GAS2L3: variants seen among roughly 807,000 people sequenced by gnomAD.
GAS2L3 encodes GAS2-like protein 3.
Under a neutral mutation model 37.0 loss-of-function variants are expected in GAS2L3, and 28 were observed. That is an observed-to-expected ratio of 0.76 (90% confidence interval 0.56 to 1.04). The LOEUF (loss-of-function observed/expected upper bound fraction) is 1.04, where lower values mean the gene tolerates loss of function less well. Among genes scored for constraint, GAS2L3 ranks in the 50% least tolerant of loss-of-function variants. GAS2L3 has a pLI of 0.00. For synonymous variants in GAS2L3, 290 were observed against 296.6 expected, an observed-to-expected ratio of 0.98 and a Z score of 0.23; for missense variants, 793 against 817.6, an observed-to-expected ratio of 0.97 and a Z score of 0.37.
At chr12:100,621,881 G>A (rs905933267) in intron 8 of GAS2L3, among the ~76,000 whole-genome samples, 1 of 128,842 alleles carries the variant, frequency 7.8e-6, no homozygotes, top group Non-Finnish European at 1.6e-5. Flanking sequence ...GGGTGGGGGG[G>A]GGAGAGAGAG....
chr12:100,612,487 T>G (rs1956138749), intron 6 of GAS2L3: 1 of 203,416 alleles, frequency 4.9e-6, no homozygotes, highest in South Asian at 9.2e-5. Context: ...ACCGGATAAT[T>G]ACGGAAATGA....
rs571976455 is a variant in GAS2L3, at chr12:100,604,447, T to C, written c.303+2694T>C. Among the ~76,000 whole-genome samples, 16 of 151,486 alleles carry C rather than the reference T, an allele frequency of 1.1e-4. No homozygotes were observed. The East Asian group carries it at 2.5e-3, about 24-fold the overall frequency. ...ATGTTGATTTTGTGTCCTGAAACTT[T>C]ACTGAATTTGTTTATCAGCTGTAGT... is the stretch of plus-strand genomic sequence containing the variant. On this transcript the variant is annotated intron_variant, in intron 5 of 9. Coordinates refer to ENST00000547754, the MANE Select transcript of GAS2L3 (RefSeq NM_174942.3).
intron 5 of GAS2L3, among the ~76,000 whole-genome samples, chr12:100,608,187 T>C (rs978824713): frequency 1.3e-5 from 2 of 152,154 alleles, no homozygotes; most frequent in African/African-American, 2.4e-5. Flanking sequence ...AGGTAGAGAT[T>C]CTTGTGTGTG....
rs1358885294 is a variant in GAS2L3 at position 100,622,292 on chromosome 12, G to A, written c.666G>A (p.Glu222=). 1.3e-6 allele frequency: 2 copies of A among 1,592,212 alleles called. No individual in the cohort carries two copies. The highest frequency in any genetic ancestry group is 4.5e-5 in the East Asian group (2 of 44,556). ...CATCTTAGGTTAAACATATTGCTGA[G>A]GACCCTCCTTGTAGTTGTTCTCATC... The part of the protein sequence containing the change: ...ELHEAVKHIA[E]DPPCSCSHRF... The change falls in exon 9 of 10, where the codon GAG becomes GAA. Residue 222 remains glutamate, a synonymous_variant. Coordinates refer to ENST00000547754, the MANE Select transcript of GAS2L3 (RefSeq NM_174942.3).
At position 100,592,018 on chromosome 12, in the gene GAS2L3, A is replaced by G. The variant is rs766391452; in HGVS notation, c.-31+162A>G. On this transcript the variant is annotated intron_variant, in intron 2 of 9. Transcript: ENST00000547754. ...ATCAGAAAGGATGTTTTCTTCAACTATTTTTCTAAATGAAGCATTAAAAAA... is the reference window on the plus strand; with the variant it reads ...ATCAGAAAGGATGTTTTCTTCAACTGTTTTTCTAAATGAAGCATTAAAAAA... 3.9e-5 allele frequency among the ~76,000 whole-genome samples: 6 copies of G among 152,266 alleles called. No individual in the cohort carries two copies. The East Asian group carries it at 9.6e-4, about 24-fold the overall frequency.
intron 6 of GAS2L3, among the ~76,000 whole-genome samples, chr12:100,614,300 C>T (rs1258471245): frequency 6.6e-6 from 1 of 151,562 alleles, no homozygotes; most frequent in Non-Finnish European, 1.5e-5. Context: ...CCCGTCTCTA[C>T]AAAAATACAA....
chr12:100,576,480 C>T (rs1955638442), intron 1 of GAS2L3, among the ~76,000 whole-genome samples: 1 of 152,080 alleles, frequency 6.6e-6, no homozygotes, highest in Non-Finnish European at 1.5e-5. Flanking sequence ...ATGAGTCATG[C>T]AATGGACATA....
intron 3 of GAS2L3, among the ~76,000 whole-genome samples, chr12:100,596,010 A>G (rs1167226439): frequency 1.3e-5 from 2 of 151,794 alleles, no homozygotes; most frequent in Non-Finnish European, 2.9e-5. Context: ...TAGAGAAGAG[A>G]ATTTATCAAA....
At chr12:100,600,037 C>T (rs1396783267) in intron 3 of GAS2L3, among the ~76,000 whole-genome samples, 1 of 152,114 alleles carries the variant, frequency 6.6e-6, no homozygotes, top group African/African-American at 2.4e-5. Flanking sequence ...GCCTGGGCAA[C>T]ATAGGGTGAC....
chr12:100,617,579 A>C (rs1956202975), intron 6 of GAS2L3, among the ~76,000 whole-genome samples, 165 bp from the exon 7 acceptor site: 1 of 152,122 alleles, frequency 6.6e-6, no homozygotes, highest in South Asian at 2.1e-4. Context: ...TAATTTGTTG[A>C]AGATAATAAG....
At position 100,624,783 on chromosome 12, in the gene GAS2L3, T is replaced by A; in HGVS notation, c.1978T>A (p.Ser660Thr). The A allele has an allele frequency of 1.2e-6, 2 of 1,613,798 alleles. No individual in the cohort carries two copies. The highest frequency in any genetic ancestry group is 1.7e-6 in the Non-Finnish European group (2 of 1,179,960). Residue 660 changes from serine (S) to threonine (T), a missense_variant, in exon 10 of 10, where the codon TCA becomes ACA. Physicochemically the swap from Ser to Thr is moderately conservative, Grantham distance 58. Coordinates refer to ENST00000547754, the MANE Select transcript of GAS2L3 (RefSeq NM_174942.3). ...CCCAGCTTCAATCAGGAAACCACCC[T>A]CATCTGTTAAGGATGCAGATAGTGG... ...KTPASIRKPP[S>T]SVKDADSGDK...
Position 100,624,890 on chromosome 12 carries a change from A to C in GAS2L3, c.2085A>C (p.Ter695TyrextTer13), listed in dbSNP as rs746814980. 1.7e-5 allele frequency: 27 copies of C among 1,552,728 alleles called. No homozygotes were observed. Among genetic ancestry groups the C allele is most frequent in the Non-Finnish European group, 2.0e-5 (23 of 1,138,912 alleles). ...CTGGAAGTAAGAAACCTAGAAAATA[A>C]ATACATACTCATTATAAAAAAAGAG... ...VMTGSKKPRK* is the reference protein window; with the variant it reads ...VMTGSKKPRKY The change falls in exon 10 of 10, where the codon TAA becomes TAC. Residue 695 changes from the stop codon to tyrosine (Y), a stop_lost. Coordinates refer to ENST00000547754, the MANE Select transcript of GAS2L3 (RefSeq NM_174942.3).
At chr12:100,587,282 A>G (rs1955792828) in intron 1 of GAS2L3, among the ~76,000 whole-genome samples, 1 of 152,204 alleles carries the variant, frequency 6.6e-6, no homozygotes, top group South Asian at 2.1e-4. Context: ...CAAAAAAGAA[A>G]ACTACAGACC....
intron 3 of GAS2L3, among the ~76,000 whole-genome samples, chr12:100,599,314 CAT>C (rs1468215815): frequency 1.3e-5 from 2 of 152,124 alleles, no homozygotes; most frequent in Admixed American, 1.3e-4. Flanking sequence ...AAAGAATAAT[CAT>C]ATTTCAAAAT....
chr12:100,615,318 A>G (rs1313832261), intron 6 of GAS2L3, among the ~76,000 whole-genome samples: 3 of 152,134 alleles, frequency 2.0e-5, no homozygotes, highest in Non-Finnish European at 2.9e-5. Context: ...CTATCTATTC[A>G]AATCCTTTGC....
intron 3 of GAS2L3, 142 bp downstream of exon 3, chr12:100,595,064 T>A: frequency 2.6e-6 from 1 of 391,046 alleles, no homozygotes; most frequent in Non-Finnish European, 4.8e-6. Context: ...CATACTATAT[T>A]TTGACTTTCT....
Position 100,623,974 on chromosome 12 carries a change from G to A in GAS2L3, c.1169G>A (p.Gly390Asp), listed in dbSNP as rs573797282. The A allele has an allele frequency of 1.9e-6, 3 of 1,613,870 alleles. No individual in the cohort carries two copies. The highest frequency in any genetic ancestry group is 2.5e-6 in the Non-Finnish European group (3 of 1,179,968). Residue 390 changes from glycine to aspartate, a missense_variant, in exon 10 of 10, where the codon GGC (glycine) becomes GAC (aspartate). Transcript: ENST00000547754. ...SSHPKLKSSKGITKKPQAPSN... is the reference protein window; with the variant it reads ...SSHPKLKSSKDITKKPQAPSN... ...CATCCCAAGCTCAAGTCTTCAAAAG[G>A]CATAACGAAGAAACCGCAGGCTCCT...
Position 100,623,652 on chromosome 12 carries a change from T to C in GAS2L3, c.847T>C (p.Leu283=). 1 of 1,613,906 alleles carries C rather than the reference T, an allele frequency of 6.2e-7. No individual in the cohort carries two copies. The highest frequency in any genetic ancestry group is 8.5e-7 in the Non-Finnish European group (1 of 1,179,852). ...FLLKYDPCRI[L]QFATLEQKIL... Reference sequence around the variant, plus strand: ...GCTTAAATATGACCCCTGTCGAATATTACAGTTTGCCACATTAGAACAAAA... The same window carrying C: ...GCTTAAATATGACCCCTGTCGAATACTACAGTTTGCCACATTAGAACAAAA... The change falls in exon 10 of 10, where the codon TTA becomes CTA. Residue 283 remains leucine (L), a synonymous_variant. Coordinates refer to ENST00000547754, the MANE Select transcript of GAS2L3 (RefSeq NM_174942.3).
chr12:100,578,938 TA>T, intron 1 of GAS2L3: 1 of 914,910 alleles, frequency 1.1e-6, no homozygotes, highest in Non-Finnish European at 1.8e-6. Context: ...GAAGAGGGGA[TA>T]AGGTTATAAT....
Sources: allele counts gnomAD v4.1 joint callset (sites outside exome capture counted in the v4.1 genomes callset), GRCh38; gene constraint gnomAD v4.1.1; transcripts MANE v1.5; gene names NCBI Gene and HGNC (gene_info 2026-07-23, HGNC 2026-07-21).